The following PTPRT variants were observed in gnomAD, a reference collection of about 807,000 sequenced individuals.
PTPRT encodes the protein receptor-type tyrosine-protein phosphatase T.
PTPRT carries 56 observed loss-of-function variants against 176.8 expected under a neutral mutation model. The observed-to-expected ratio is 0.32, with a 90% CI of 0.26 to 0.40. The LOEUF (loss-of-function observed/expected upper bound fraction) is 0.40. Among genes scored for constraint, PTPRT ranks in the 10% least tolerant of loss-of-function variants. PTPRT has a pLI of 1.00. For missense variants in PTPRT, 1,540 were observed against 1,908.2 expected (o/e 0.81, Z 3.60); for synonymous variants, 783 against 739.0 (o/e 1.06, Z -0.96).
chr20:42,474,791 C>T (rs183580172), intron 7 of PTPRT, among the ~76,000 whole-genome samples: 9 of 152,264 alleles, frequency 5.9e-5, no homozygotes, highest in East Asian at 5.8e-4. Context: ...TCCCCATCAG[C>T]GTTGCCTAGC....
intron 1 of PTPRT, among the ~76,000 whole-genome samples, chr20:43,129,662 A>C: frequency 8.9e-6 from 1 of 112,544 alleles, no homozygotes; most frequent in Non-Finnish European, 1.6e-5. Context: ...TCTGTCGCCC[A>C]GGCTGGAGTG....
intron 15 of PTPRT, among the ~76,000 whole-genome samples, chr20:42,226,903 G>A (rs1472425944): frequency 6.6e-6 from 1 of 152,116 alleles, no homozygotes; most frequent in African/African-American, 2.4e-5. Flanking sequence ...AACAGCAAAT[G>A]CCTATGAATG....
intron 2 of PTPRT, among the ~76,000 whole-genome samples, chr20:42,825,384 T>C (rs2077974794): frequency 6.6e-6 from 1 of 152,126 alleles, no homozygotes; most frequent in Admixed American, 6.6e-5. Flanking sequence ...GGCAATATGA[T>C]ATAATTTAAT....
intron 1 of PTPRT, among the ~76,000 whole-genome samples, chr20:43,077,821 G>A (rs1006722196): frequency 6.6e-6 from 1 of 152,184 alleles, no homozygotes; most frequent in African/African-American, 2.4e-5. Flanking sequence ...CTATGAAAAT[G>A]AGAATTTACA....
At chr20:42,591,106 A>T (rs187792765) in intron 7 of PTPRT, among the ~76,000 whole-genome samples, 38 of 152,314 alleles carry the variant, frequency 2.5e-4, no homozygotes, top group Non-Finnish European at 4.9e-4. Context: ...ATTTTAGAAG[A>T]AAATACAGAA....
At chr20:42,796,118 T>C (rs1396756441) in intron 2 of PTPRT, among the ~76,000 whole-genome samples, 1 of 152,206 alleles carries the variant, frequency 6.6e-6, no homozygotes, top group Non-Finnish European at 1.5e-5. Context: ...CAGAAAGTGA[T>C]AAATACTCAA....
intron 1 of PTPRT, among the ~76,000 whole-genome samples, chr20:42,920,349 T>C (rs965000637): frequency 5.9e-5 from 9 of 152,010 alleles, no homozygotes; most frequent in African/African-American, 1.7e-4. Flanking sequence ...ACTGAAAAAC[T>C]GTAGTATCAA....
At chr20:42,395,682 G>T (rs2058842037) in intron 9 of PTPRT, among the ~76,000 whole-genome samples, 1 of 152,002 alleles carries the variant, frequency 6.6e-6, no homozygotes, top group South Asian at 2.1e-4. Flanking sequence ...ACTCACCAAT[G>T]ACCTCTCTGT....
At chr20:43,169,022 A>C (rs1600767198) in intron 1 of PTPRT, among the ~76,000 whole-genome samples, 1 of 152,218 alleles carries the variant, frequency 6.6e-6, no homozygotes, top group African/African-American at 2.4e-5. Flanking sequence ...CTTCCATTAT[A>C]GAATGGGGCC....
chr20:43,162,530 C>T (rs6093784), intron 1 of PTPRT, among the ~76,000 whole-genome samples: 74,109 of 152,126 alleles, frequency 0.49, 20,526 homozygotes, highest in Non-Finnish European at 0.63. Context: ...AAGGCTACTC[C>T]GTGCGGTCCC....
At chr20:42,684,025 T>C (rs1026329050) in intron 6 of PTPRT, among the ~76,000 whole-genome samples, 1 of 152,166 alleles carries the variant, frequency 6.6e-6, no homozygotes, top group South Asian at 2.1e-4. Flanking sequence ...TAAGTAGATA[T>C]AGCATCAAAT....
chr20:42,851,083 C>T (rs575853126), intron 2 of PTPRT, among the ~76,000 whole-genome samples: 1 of 152,230 alleles, frequency 6.6e-6, no homozygotes, highest in East Asian at 1.9e-4. Context: ...GGCCATTCTC[C>T]ACTGTTTCAA....
intron 2 of PTPRT, among the ~76,000 whole-genome samples, chr20:42,815,709 T>C (rs1168885095): frequency 6.6e-6 from 1 of 152,234 alleles, no homozygotes; most frequent in African/African-American, 2.4e-5. Flanking sequence ...TAAAAGTGTT[T>C]AGGCTCACAA....
rs765497610 is a variant in PTPRT, at chr20:43,085,755, C to T, written c.88+103891G>A. 2.6e-5 allele frequency among the ~76,000 whole-genome samples: 4 copies of T among 152,120 alleles called. No individual in the cohort carries two copies. The East Asian group carries it at 5.8e-4, about 22-fold the overall frequency. ...AATTACCTTCCACCAGGTCCTTCCC[C>T]GACATGTGAGAATTACAGGAGCTAC... On this transcript the variant is annotated intron_variant, in intron 1 of 30. Coordinates refer to ENST00000373187, the MANE Select transcript of PTPRT (RefSeq NM_007050.6).
intron 6 of PTPRT, among the ~76,000 whole-genome samples, chr20:42,706,722 T>C (rs895308992): frequency 6.6e-6 from 1 of 152,206 alleles, no homozygotes; most frequent in Non-Finnish European, 1.5e-5. Context: ...TACAAAATTA[T>C]GTGCCATACA....
intron 1 of PTPRT, among the ~76,000 whole-genome samples, chr20:43,088,301 G>A (rs2011684914): frequency 6.6e-6 from 1 of 150,564 alleles, no homozygotes; most frequent in African/African-American, 2.5e-5. Context: ...CTCCCAAAAT[G>A]TTATATTGTG....
chr20:42,750,880 A>C (rs932189441), intron 6 of PTPRT, among the ~76,000 whole-genome samples: 2 of 152,216 alleles, frequency 1.3e-5, no homozygotes, highest in Non-Finnish European at 2.9e-5. Context: ...AGGTAGGTTG[A>C]GGGGCCGAAT....
intron 9 of PTPRT, among the ~76,000 whole-genome samples, chr20:42,417,051 G>A (rs1003539586): frequency 1.3e-5 from 2 of 152,114 alleles, no homozygotes; most frequent in African/African-American, 2.4e-5. Flanking sequence ...TTCTCACAGG[G>A]TGCATAGAAG....
intron 7 of PTPRT, among the ~76,000 whole-genome samples, chr20:42,577,923 C>CTG (rs777761268): frequency 0.039 from 4,385 of 111,286 alleles, 107 homozygotes; most frequent in Non-Finnish European, 0.055. Flanking sequence ...CTGAGCGAGG[C>CTG]TGTGTGTGTG....
Sources: gnomAD v4.1 joint callset for allele counts (sites outside exome capture counted in the v4.1 genomes callset) on GRCh38, gnomAD v4.1.1 for gene constraint, MANE v1.5 for transcripts, NCBI Gene and HGNC (gene_info 2026-07-23, HGNC 2026-07-21) for gene names.